AARS1: variants seen among roughly 807,000 people sequenced by gnomAD.
AARS1 encodes the protein alanine--tRNA ligase, cytoplasmic.
Under a neutral mutation model 108.9 loss-of-function variants are expected in AARS1, and 72 were observed. That is an observed-to-expected ratio of 0.66 (90% CI 0.55 to 0.80). The LOEUF (loss-of-function observed/expected upper bound fraction) is 0.80, where lower values mean the gene tolerates loss of function less well. Among genes scored for constraint, AARS1 ranks in the 30% least tolerant of loss-of-function variants. The pLI, the probability that AARS1 is intolerant of heterozygous loss-of-function variation, is 0.00. For missense variants in AARS1, 1,193 were observed against 1,233.2 expected, an observed-to-expected ratio of 0.97 and a Z score of 0.49; for synonymous variants, 489 against 465.7, an observed-to-expected ratio of 1.05 and a Z score of -0.64.
intron 2 of AARS1, 80 bp from the exon 3 acceptor site, chr16:70,277,234 CCA>C: frequency 7.3e-7 from 1 of 1,361,218 alleles, no homozygotes; most frequent in Non-Finnish European, 1.1e-6. Flanking sequence ...GAAGAGACGA[CCA>C]CACACTAACT....
rs555357914 is a variant in AARS1 at position 70,254,652 on chromosome 16, T to A, written c.2369A>T (p.Asp790Val). The A allele has an allele frequency of 2.7e-4, 434 of 1,614,010 alleles. 26 individuals are homozygous for A. In the South Asian group the frequency reaches 4.7e-3, roughly 17 times the overall value. Residue 790 changes from aspartate (D) to valine (V), a missense_variant, in exon 17 of 21, where the codon GAT (aspartate) becomes GTT (valine). Transcript: ENST00000261772. Reference protein sequence around the residue: ...KVKAQTAPNKDVQREIADLGE... With the variant: ...KVKAQTAPNKVVQREIADLGE... The stretch of plus-strand genomic sequence containing the variant: ...AAGGTCAGCGATCTCCCTCTGCACA[T>A]CCTTGTTTGGAGCAGTCTGAGCCTT...
rs1397401472 is a variant in AARS1, at chr16:70,253,702, C to G, written c.2607+12G>C. 1 of 1,613,076 alleles carries G rather than the reference C, an allele frequency of 6.2e-7. No individual in the cohort carries two copies. Among genetic ancestry groups the G allele is most frequent in the Non-Finnish European group, 8.5e-7 (1 of 1,179,970 alleles). Reference sequence around the variant, plus strand: ...TGAGCCCTAGGGGAGGGGACCCTGGCCCCTGGGTTGCCTTGGCTGAGGCGC... The same window carrying G: ...TGAGCCCTAGGGGAGGGGACCCTGGGCCCTGGGTTGCCTTGGCTGAGGCGC... On this transcript the variant is annotated intron_variant, in intron 19 of 20. Transcript: ENST00000261772.
intron 5 of AARS1, 43 bp from the exon 6 acceptor site, chr16:70,270,383 G>A (rs1353336647): frequency 1.2e-6 from 2 of 1,611,718 alleles, no homozygotes; most frequent in Non-Finnish European, 1.7e-6. Context: ...AGAGACTCAA[G>A]CTGCCACCTC....
intron 4 of AARS1, chr16:70,275,920 G>C (rs1229012913): frequency 1.8e-5 from 2 of 109,782 alleles, no homozygotes; most frequent in East Asian, 2.9e-4. Flanking sequence ...CTGGGAGACA[G>C]AGCAAGACTC....
intron 10 of AARS1, 91 bp from the exon 11 acceptor site, chr16:70,265,193 A>C: frequency 6.7e-7 from 1 of 1,500,758 alleles, no homozygotes; most frequent in South Asian, 1.1e-5. Context: ...GCCCAGCATA[A>C]ACTGCCAGAA....
chr16:70,252,569 G>A lies in AARS1; in HGVS notation c.*152C>T. On this transcript the variant is annotated 3_prime_UTR_variant, in exon 21 of 21. Transcript: ENST00000261772. ...AGGGCTCAGGGCAGAAATTTAAGGG[G>A]CACTGAGACATAGGACTGCTCCCAA... 2 of 809,284 alleles carry A rather than the reference G, an allele frequency of 2.5e-6. No individual in the cohort carries two copies. Among genetic ancestry groups the A allele is most frequent in the East Asian group, 2.7e-5 (1 of 37,720 alleles). The allele number at this position is 809,284 out of a possible 1,614,324, so 50.1% of individuals were successfully genotyped here.
intron 1 of AARS1, among the ~76,000 whole-genome samples, chr16:70,288,565 CTTTTTTT>C (rs35168298): frequency 5.8e-5 from 6 of 102,968 alleles, no homozygotes; most frequent in African/African-American, 1.3e-4. Flanking sequence ...GTTCTGGGCT[CTTTTTTT>C]TTTTTTTTTT....
intron 1 of AARS1, 126 bp from the exon 2 acceptor site, chr16:70,282,910 C>T (rs927297719): frequency 5.5e-6 from 5 of 900,912 alleles, no homozygotes; most frequent in Admixed American, 4.0e-5. Flanking sequence ...GATCCTAAAA[C>T]CTCTATGTTG....
At position 70,252,621 on chromosome 16, in the gene AARS1, G is replaced by C; in HGVS notation, c.*100C>G. 1 of 1,352,580 alleles carries C rather than the reference G, an allele frequency of 7.4e-7. No individual in the cohort carries two copies. Among genetic ancestry groups the C allele is most frequent in the South Asian group, 1.2e-5 (1 of 84,752 alleles). 83.8% of individuals were successfully genotyped at this position (1,352,580 alleles called of 1,614,324 possible). ...TGTGTTCCAGTTACTGCTGGGTTAG[G>C]AGGGGCTCTTTAAAGGTCCCAAGAT... On this transcript the variant is annotated 3_prime_UTR_variant, in exon 21 of 21. Transcript: ENST00000261772.
At chr16:70,256,931 G>A (rs1465190379) in intron 15 of AARS1, among the ~76,000 whole-genome samples, 5 of 151,774 alleles carry the variant, frequency 3.3e-5, no homozygotes, top group Admixed American at 1.3e-4. Context: ...CCTGACCAAC[G>A]TGGAGAAACC....
chr16:70,252,582 G>C lies in AARS1; in HGVS notation c.*139C>G, dbSNP rs1959867089. The C allele has an allele frequency of 1.3e-5, 12 of 942,738 alleles. No individual in the cohort carries two copies. Among genetic ancestry groups the C allele is most frequent in the Non-Finnish European group, 1.8e-5 (11 of 604,620 alleles). 58.4% of individuals were successfully genotyped at this position (942,738 alleles called of 1,614,324 possible). Reference sequence around the variant, plus strand: ...GAAATTTAAGGGGCACTGAGACATAGGACTGCTCCCAAGTGTGTTCCAGTT... The same window carrying C: ...GAAATTTAAGGGGCACTGAGACATACGACTGCTCCCAAGTGTGTTCCAGTT... On this transcript the variant is annotated 3_prime_UTR_variant, in exon 21 of 21. Coordinates refer to ENST00000261772, the MANE Select transcript of AARS1 (RefSeq NM_001605.3).
chr16:70,288,174 C>T (rs1960907963), intron 1 of AARS1, among the ~76,000 whole-genome samples: 1 of 143,498 alleles, frequency 7.0e-6, no homozygotes, highest in Admixed American at 7.3e-5. Context: ...GCGATCTCAG[C>T]TCACTGCAAG....
Position 70,266,029 on chromosome 16 carries a change from T to G in AARS1, c.1223-367A>C, listed in dbSNP as rs554871055. On this transcript the variant is annotated intron_variant, in intron 9 of 20. Transcript: ENST00000261772. ...CCGTCTCTAGGAAAAATACAAAAAATTTGGCCAGGCGCTGTGGCTCACGCC... is the reference window on the plus strand; with the variant it reads ...CCGTCTCTAGGAAAAATACAAAAAAGTTGGCCAGGCGCTGTGGCTCACGCC... 4.9e-5 allele frequency among the ~76,000 whole-genome samples: 6 copies of G among 122,266 alleles called. No individual in the cohort carries two copies. The East Asian group carries it at 1.2e-3, about 24-fold the overall frequency. The allele number at this position is 122,266 out of a possible 152,430, so 80.2% of individuals were successfully genotyped here. A position where few individuals can be genotyped will look rare whatever the true frequency, so the allele number is the denominator to read the frequency against.
intron 15 of AARS1, among the ~76,000 whole-genome samples, chr16:70,257,823 G>C (rs1031956465): frequency 1.3e-5 from 2 of 152,136 alleles, no homozygotes; most frequent in East Asian, 3.8e-4. Context: ...TTTCCTCCTG[G>C]GAATGTTTCG....
chr16:70,261,367 GAGT>G lies in AARS1; in HGVS notation c.1672-213_1672-211del. ...TCCCAGCACTTTGGGAGGCTCAGGTGAGTAGATCACCTGAGGCCAGGAGTTCGA... is the reference window on the plus strand; with the variant it reads ...TCCCAGCACTTTGGGAGGCTCAGGTGAGATCACCTGAGGCCAGGAGTTCGA... On this transcript the variant is annotated intron_variant, in intron 12 of 20. Transcript: ENST00000261772. The G allele has an allele frequency of 7.1e-6, 3 of 423,056 alleles. No homozygotes were observed. The Admixed American group carries it at 9.7e-5, about 14-fold the overall frequency. The allele number at this position is 423,056 out of a possible 1,614,324, so 26.2% of individuals were successfully genotyped here.
chr16:70,272,342 T>C (rs1053191383), intron 4 of AARS1, among the ~76,000 whole-genome samples: 4 of 150,330 alleles, frequency 2.7e-5, no homozygotes, highest in African/African-American at 7.3e-5. Context: ...TTGTCTCTAC[T>C]AAAAATACAA....
intron 9 of AARS1, among the ~76,000 whole-genome samples, chr16:70,266,084 C>G (rs1044787601): frequency 6.6e-6 from 1 of 152,114 alleles, no homozygotes; most frequent in South Asian, 2.1e-4. Flanking sequence ...GAGGCCGAGG[C>G]GGGCGGATCA....
Position 70,289,413 on chromosome 16 carries a change from C to T in AARS1, c.-22+8G>A, listed in dbSNP as rs541210638. 133 of 383,318 alleles carry T rather than the reference C, an allele frequency of 3.5e-4. No homozygotes were observed. The highest frequency in any genetic ancestry group is 2.8e-3 in the Middle Eastern group (3 of 1,076). 23.7% of individuals were successfully genotyped at this position (383,318 alleles called of 1,614,324 possible). On this transcript the variant is annotated splice_region_variant and intron_variant, in intron 1 of 20. Coordinates refer to ENST00000261772, the MANE Select transcript of AARS1 (RefSeq NM_001605.3). Reference sequence around the variant, plus strand: ...CTAGCACCGCAGAGCTCTCCGAGGGCGGCCTACCTCTCCTAGGGTCGCCGT... The same window carrying T: ...CTAGCACCGCAGAGCTCTCCGAGGGTGGCCTACCTCTCCTAGGGTCGCCGT...
intron 1 of AARS1, among the ~76,000 whole-genome samples, chr16:70,285,185 C>T (rs1208224859): frequency 2.0e-5 from 3 of 150,474 alleles, no homozygotes; most frequent in Admixed American, 6.6e-5. Flanking sequence ...GCCGAAATTG[C>T]GCCACTGCAC....
Sources: gnomAD v4.1 joint callset for allele counts (sites outside exome capture counted in the v4.1 genomes callset) on GRCh38, gnomAD v4.1.1 for gene constraint, MANE v1.5 for transcripts, NCBI Gene and HGNC (gene_info 2026-07-23, HGNC 2026-07-21) for gene names.